The following LYPD6B variants were observed in gnomAD, a reference collection of about 807,000 sequenced individuals.
LYPD6B encodes LY6/PLAUR domain containing 6B.
In LYPD6B, 17 loss-of-function variants were observed where a neutral mutation model predicts 22.8. The observed-to-expected ratio is 0.75, with a 90% CI of 0.51 to 1.12. LYPD6B has a LOEUF of 1.12. Among genes scored for constraint, LYPD6B ranks in the 50% most tolerant of loss-of-function variants. LYPD6B has a pLI of 0.00. For synonymous variants in LYPD6B, 106 were observed against 91.6 expected, an observed-to-expected ratio of 1.16 and a Z score of -0.90; for missense variants, 221 against 258.3, an observed-to-expected ratio of 0.86 and a Z score of 0.99.
chr2:149,075,729 A>G (rs368633068), intron 1 of LYPD6B, among the ~76,000 whole-genome samples: 18 of 152,260 alleles, frequency 1.2e-4, no homozygotes, highest in African/African-American at 4.3e-4. Flanking sequence ...AAAGTTGGTC[A>G]TATGACAATC....
intron 4 of LYPD6B, 29 bp downstream of exon 4, chr2:149,205,433 C>T: frequency 1.2e-6 from 2 of 1,609,942 alleles, no homozygotes; most frequent in South Asian, 1.1e-5. Flanking sequence ...CATCCTAGTT[C>T]ATGGCTGTGG....
chr2:149,061,067 A>C (rs927078085), intron 1 of LYPD6B, among the ~76,000 whole-genome samples: 6 of 152,158 alleles, frequency 3.9e-5, no homozygotes, highest in Non-Finnish European at 5.9e-5. Context: ...GTGGATTTGG[A>C]TCTAGACTCT....
At chr2:149,203,240 T>C (rs1223635165) in intron 3 of LYPD6B, among the ~76,000 whole-genome samples, 2 of 152,166 alleles carry the variant, frequency 1.3e-5, no homozygotes, top group East Asian at 3.8e-4. Context: ...CATAGTTGCT[T>C]AGTAGTGAAA....
intron 1 of LYPD6B, among the ~76,000 whole-genome samples, chr2:149,071,224 G>A (rs1318905677): frequency 6.6e-6 from 1 of 152,150 alleles, no homozygotes; most frequent in African/African-American, 2.4e-5. Context: ...GTTGCCTTGG[G>A]GAAAATTCTT....
chr2:149,080,856 AAAAAAAAAAAAC>A (rs1182826978), intron 1 of LYPD6B, among the ~76,000 whole-genome samples: 53 of 133,180 alleles, frequency 4.0e-4, no homozygotes, highest in African/African-American at 1.3e-3. Context: ...AAAAAAAAAA[AAAAAAAAAAAAC>A]CACACAAAAA....
intron 2 of LYPD6B, among the ~76,000 whole-genome samples, chr2:149,148,526 C>T (rs1689173259): frequency 6.6e-6 from 1 of 152,204 alleles, no homozygotes; most frequent in Admixed American, 6.5e-5. Context: ...TTCATAGTAG[C>T]TCTGAACCAT....
rs561135227 is a variant in LYPD6B, at chr2:149,191,788, G to A, written c.78-13465G>A. ...ACAGTGAATGTGATCCCTAACGAAAGTACTAGTAATAGCATCCTGCTATTA... is the reference window on the plus strand; with the variant it reads ...ACAGTGAATGTGATCCCTAACGAAAATACTAGTAATAGCATCCTGCTATTA... On this transcript the variant is annotated intron_variant, in intron 3 of 6. Transcript: ENST00000409642. Among the ~76,000 whole-genome samples, 6 of 152,302 alleles carry A rather than the reference G, an allele frequency of 3.9e-5. No homozygotes were observed. In the South Asian group the frequency reaches 1.2e-3, roughly 32 times the overall value.
intron 1 of LYPD6B, among the ~76,000 whole-genome samples, chr2:149,124,018 A>G (rs1033535161): frequency 3.3e-5 from 5 of 152,162 alleles, no homozygotes; most frequent in Non-Finnish European, 7.4e-5. Context: ...CCTTTGCTGT[A>G]TGCTTTTCTA....
intron 1 of LYPD6B, among the ~76,000 whole-genome samples, chr2:149,119,802 C>T (rs1687194625): frequency 6.6e-6 from 1 of 152,182 alleles, no homozygotes; most frequent in Non-Finnish European, 1.5e-5. Context: ...TGAAAGTGTG[C>T]AATCTCTGAA....
chr2:149,134,874 TTCATAA>T (rs1688262195), intron 2 of LYPD6B, among the ~76,000 whole-genome samples: 1 of 152,212 alleles, frequency 6.6e-6, no homozygotes, highest in Admixed American at 6.5e-5. Flanking sequence ...GCATGCTATA[TTCATAA>T]AATAATATTT....
intron 1 of LYPD6B, among the ~76,000 whole-genome samples, chr2:149,114,007 T>A (rs1686884405): frequency 1.3e-5 from 2 of 152,148 alleles, no homozygotes; most frequent in Non-Finnish European, 2.9e-5. Flanking sequence ...TATCTTGACA[T>A]TGGACATTCC....
intron 1 of LYPD6B, among the ~76,000 whole-genome samples, chr2:149,059,806 G>A (rs1683989145): frequency 6.6e-6 from 1 of 152,186 alleles, no homozygotes; most frequent in Non-Finnish European, 1.5e-5. Flanking sequence ...GAACTTTCTG[G>A]AGCCTGGGAG....
chr2:149,119,227 T>C (rs1687158721), intron 1 of LYPD6B: 1 of 152,210 alleles, frequency 6.6e-6, no homozygotes, highest in Non-Finnish European at 1.5e-5. Context: ...GAAATGGGAA[T>C]GGCAATATTT....
intron 1 of LYPD6B, among the ~76,000 whole-genome samples, chr2:149,048,255 C>T (rs752050400): frequency 1.1e-4 from 16 of 152,028 alleles, no homozygotes; most frequent in African/African-American, 1.7e-4. Flanking sequence ...GGAATGGGCA[C>T]GCCGTTCTCT....
chr2:149,090,478 T>C (rs1291926121), intron 1 of LYPD6B, among the ~76,000 whole-genome samples: 1 of 152,126 alleles, frequency 6.6e-6, no homozygotes, highest in Admixed American at 6.6e-5. Context: ...GAGAGAGAGG[T>C]CAGAGGTATT....
At chr2:149,205,734 A>T (rs1693470135) in intron 4 of LYPD6B, among the ~76,000 whole-genome samples, 1 of 152,194 alleles carries the variant, frequency 6.6e-6, no homozygotes, top group East Asian at 1.9e-4. Context: ...TGGCTGTTGC[A>T]TGTTTCTGCA....
At chr2:149,137,131 A>G (rs1688414593) in intron 2 of LYPD6B, among the ~76,000 whole-genome samples, 1 of 152,176 alleles carries the variant, frequency 6.6e-6, no homozygotes, top group Admixed American at 6.5e-5. Flanking sequence ...GCATTGTGTA[A>G]AGGACTTTAG....
chr2:149,049,798 T>A (rs1683468287), intron 1 of LYPD6B, among the ~76,000 whole-genome samples: 1 of 152,162 alleles, frequency 6.6e-6, no homozygotes, highest in Admixed American at 6.5e-5. Context: ...CAGGAAAGAC[T>A]TGATTGGGGC....
At chr2:149,123,867 A>G (rs1398628229) in intron 1 of LYPD6B, among the ~76,000 whole-genome samples, 1 of 152,238 alleles carries the variant, frequency 6.6e-6, no homozygotes, top group Non-Finnish European at 1.5e-5. Context: ...CTCTAAATAC[A>G]TACATAAATA....
Sources: allele counts gnomAD v4.1 joint callset (sites outside exome capture counted in the v4.1 genomes callset), GRCh38; gene constraint gnomAD v4.1.1; transcripts MANE v1.5; gene names NCBI Gene and HGNC (gene_info 2026-07-23, HGNC 2026-07-21).